ERC1: variants seen among roughly 807,000 people sequenced by gnomAD.
The protein encoded by ERC1 is RAB6 interacting protein 2.
Under a neutral mutation model 132.0 loss-of-function variants are expected in ERC1, and 56 were observed. The ratio of observed to expected loss-of-function variants is 0.42; its 90% CI spans 0.34 to 0.53. The LOEUF (loss-of-function observed/expected upper bound fraction) is 0.53. ERC1 is among the 20% of genes least tolerant of loss of function. The pLI, the probability that ERC1 is intolerant of heterozygous loss-of-function variation, is 0.03. For missense variants in ERC1, 1,202 were observed against 1,349.9 expected (o/e 0.89, Z 1.72); for synonymous variants, 478 against 476.1 (o/e 1.00, Z -0.05).
At chr12:1,025,097 C>T (rs1265133932) in intron 1 of ERC1, among the ~76,000 whole-genome samples, 2 of 152,098 alleles carry the variant, frequency 1.3e-5, no homozygotes, top group East Asian at 1.9e-4. Flanking sequence ...TATCTGGATA[C>T]GTTCTACTGG....
chr12:1,034,316 A>T (rs1280823609), intron 2 of ERC1, among the ~76,000 whole-genome samples: 1 of 152,120 alleles, frequency 6.6e-6, no homozygotes, highest in Non-Finnish European at 1.5e-5. Context: ...TAATATATGC[A>T]TGTAGTCTTA....
At chr12:1,003,307 ACATC>A (rs1962833122) in intron 1 of ERC1, among the ~76,000 whole-genome samples, 2 of 152,100 alleles carry the variant, frequency 1.3e-5, no homozygotes, top group Non-Finnish European at 2.9e-5. Flanking sequence ...GCAGTATTAC[ACATC>A]TTTTGTTAAA....
chr12:1,015,500 A>G (rs1965376368), intron 1 of ERC1, among the ~76,000 whole-genome samples: 1 of 152,216 alleles, frequency 6.6e-6, no homozygotes, highest in Non-Finnish European at 1.5e-5. Flanking sequence ...CCTTGCTGGT[A>G]CAAACAATGC....
chr12:993,354 A>G (rs1459604163), intron 1 of ERC1, among the ~76,000 whole-genome samples: 1 of 152,240 alleles, frequency 6.6e-6, no homozygotes, highest in East Asian at 1.9e-4. Flanking sequence ...GGCTGGTAGT[A>G]AGCTGTGATT....
rs763908672 is a variant in ERC1, at chr12:1,289,943, A to T, written c.2711A>T (p.Glu904Val). The part of the protein sequence containing the change: ...KLSSTQQSLA[E>V]KETHLTNLRA... ...TCCTCCACCCAGCAGTCTCTGGCAG[A>T]AAAGGAAACTCACTTGACTAATCTT... Residue 904 changes from glutamate (E) to valine (V), a missense_variant, in exon 15 of 19, where the codon GAA (glutamate) becomes GTA (valine). Glu to Val is a moderately radical substitution (Grantham distance 121). Transcript: ENST00000360905. 6.2e-7 allele frequency: 1 copy of T among 1,614,136 alleles called. No homozygotes were observed. The highest frequency in any genetic ancestry group is 8.5e-7 in the Non-Finnish European group (1 of 1,179,956).
intron 17 of ERC1, among the ~76,000 whole-genome samples, chr12:1,414,357 G>A (rs1591881912): frequency 6.6e-6 from 1 of 152,338 alleles, no homozygotes; most frequent in East Asian, 1.9e-4. Context: ...GGCTGAGAGA[G>A]AGAGGAAGCA....
intron 18 of ERC1, among the ~76,000 whole-genome samples, chr12:1,481,376 C>T (rs892610998): frequency 6.6e-6 from 1 of 152,260 alleles, no homozygotes; most frequent in Non-Finnish European, 1.5e-5. Context: ...TTTAACAACA[C>T]ATGCCTGTAC....
intron 17 of ERC1, among the ~76,000 whole-genome samples, chr12:1,434,946 G>A (rs977771822): frequency 6.6e-6 from 1 of 151,780 alleles, no homozygotes; most frequent in Non-Finnish European, 1.5e-5. Context: ...TTAACGTTTC[G>A]AGAGAGAGAG....
intron 4 of ERC1, among the ~76,000 whole-genome samples, chr12:1,107,628 C>T (rs943230499): frequency 1.3e-5 from 2 of 152,072 alleles, no homozygotes; most frequent in African/African-American, 2.4e-5. Flanking sequence ...TTGCAATCCT[C>T]GGATTATGGC....
chr12:1,260,154 G>A (rs1335161381), intron 13 of ERC1, among the ~76,000 whole-genome samples: 1 of 151,948 alleles, frequency 6.6e-6, no homozygotes, highest in East Asian at 1.9e-4. Context: ...TTTTTTGGGG[G>A]GATTTTGCAT....
intron 16 of ERC1, among the ~76,000 whole-genome samples, chr12:1,400,464 C>T (rs1372194860): frequency 6.6e-6 from 1 of 151,892 alleles, no homozygotes; most frequent in Non-Finnish European, 1.5e-5. Context: ...CGCTTTCGCT[C>T]TTTGGGTATA....
At chr12:1,454,137 A>G (rs2093481231) in intron 18 of ERC1, among the ~76,000 whole-genome samples, 1 of 152,014 alleles carries the variant, frequency 6.6e-6, no homozygotes, top group Non-Finnish European at 1.5e-5. Context: ...TACTTAATGA[A>G]TCTTCCGTAA....
intron 7 of ERC1, among the ~76,000 whole-genome samples, chr12:1,138,195 TTATA>T (rs1455217457): frequency 9.6e-5 from 11 of 114,022 alleles, no homozygotes; most frequent in African/African-American, 4.0e-4. Flanking sequence ...TCATATATAA[TTATA>T]TATGATATAT....
intron 15 of ERC1, among the ~76,000 whole-genome samples, chr12:1,357,452 A>G (rs189364664): frequency 1.3e-5 from 2 of 152,366 alleles, no homozygotes; most frequent in African/African-American, 2.4e-5. Context: ...AAAGCATTCA[A>G]TAATTCTTAA....
chr12:1,185,751 T>C (rs1955019698), intron 11 of ERC1, among the ~76,000 whole-genome samples: 1 of 151,808 alleles, frequency 6.6e-6, no homozygotes, highest in South Asian at 2.1e-4. Context: ...TTTTTTAATT[T>C]ATATTGAGGT....
intron 12 of ERC1, 52 bp downstream of exon 12, chr12:1,190,104 A>G (rs1955555558): frequency 6.7e-7 from 1 of 1,494,432 alleles, no homozygotes; most frequent in South Asian, 1.1e-5. Context: ...TGGTTTTAAA[A>G]GTATGCTTTT....
At chr12:1,312,123 A>G (rs1450541983) in intron 15 of ERC1, among the ~76,000 whole-genome samples, 1 of 152,172 alleles carries the variant, frequency 6.6e-6, no homozygotes, top group East Asian at 1.9e-4. Flanking sequence ...TTTTTCATCA[A>G]CAGCTACAGG....
intron 17 of ERC1, among the ~76,000 whole-genome samples, chr12:1,419,537 G>A (rs1374624228): frequency 6.7e-6 from 1 of 148,166 alleles, no homozygotes; most frequent in African/African-American, 2.5e-5. Context: ...AAAAAAAGCT[G>A]ACAAAATTTC....
chr12:1,458,700 G>T lies in ERC1; in HGVS notation c.3213+13950G>T, dbSNP rs150098957. Among the ~76,000 whole-genome samples, 594 of 152,106 alleles carry T rather than the reference G, an allele frequency of 3.9e-3. 3 individuals are homozygous for T. Among genetic ancestry groups the T allele is most frequent in the African/African-American group, 0.013 (556 of 41,486 alleles). Reference sequence around the variant, plus strand: ...ATTACAGGCATGCGCCACCATGCCCGGCTAATTTTGTATTTTTAGTAGAGA... The same window carrying T: ...ATTACAGGCATGCGCCACCATGCCCTGCTAATTTTGTATTTTTAGTAGAGA... On this transcript the variant is annotated intron_variant, in intron 18 of 18. Transcript: ENST00000360905.
Sources: allele counts gnomAD v4.1 joint callset (sites outside exome capture counted in the v4.1 genomes callset), GRCh38; gene constraint gnomAD v4.1.1; transcripts MANE v1.5; gene names NCBI Gene and HGNC (gene_info 2026-07-23, HGNC 2026-07-21).